Variants in NMBR observed in about 807,000 individuals in gnomAD.
The protein encoded by NMBR is neuromedin B receptor.
In NMBR, 16 loss-of-function variants were observed where a neutral mutation model predicts 20.5. The ratio of observed to expected loss-of-function variants is 0.78; its 90% CI spans 0.53 to 1.19. The LOEUF (loss-of-function observed/expected upper bound fraction) is 1.19, where lower values mean the gene tolerates loss of function less well. Among genes scored for constraint, NMBR ranks in the 50% most tolerant of loss-of-function variants. The pLI, the probability that NMBR is intolerant of heterozygous loss-of-function variation, is 0.00. For synonymous variants in NMBR, 212 were observed against 196.6 expected (o/e 1.08, Z -0.65); for missense variants, 582 against 499.1 (o/e 1.17, Z -1.58).
At chr6:142,145,020 T>TTA (rs71840613) in intron 1 of NMBR, among the ~76,000 whole-genome samples, 2 of 97,642 alleles carry the variant, frequency 2.0e-5, no homozygotes, top group Non-Finnish European at 3.9e-5. Flanking sequence ...AGAACCTGTC[T>TTA]AAAAAAAAAA....
At chr6:142,076,111 C>A in intron 3 of NMBR, 62 bp from the exon 4 acceptor site, 2 of 1,458,398 alleles carry the variant, frequency 1.4e-6, no homozygotes, top group East Asian at 2.3e-5. Context: ...CACATACCAA[C>A]TTTATCAAGT....
chr6:142,088,503 G>A lies in NMBR; in HGVS notation c.156C>T (p.Leu52=), dbSNP rs1444708407. ...IRCVIPSLYL[L]IITVGLLGNI... The stretch of plus-strand genomic sequence containing the variant: ...TGCCCAGCAAGCCCACGGTGATGAT[G>A]AGCAGGTAGAGGGACGGGATCACAC... Residue 52 remains leucine (L), a synonymous_variant, in exon 2 of 4, where the codon CTC becomes CTT. Coordinates refer to ENST00000258042, the MANE Select transcript of NMBR (RefSeq NM_002511.4). 2 of 1,614,062 alleles carry A rather than the reference G, an allele frequency of 1.2e-6. No homozygotes were observed. The highest frequency in any genetic ancestry group is 8.5e-7 in the Non-Finnish European group (1 of 1,180,004).
chr6:142,136,926 G>A (rs1209639374), intron 1 of NMBR, among the ~76,000 whole-genome samples: 4 of 152,158 alleles, frequency 2.6e-5, no homozygotes, highest in Non-Finnish European at 5.9e-5. Context: ...AAGTCAGGTA[G>A]GGTGATGCCT....
At chr6:142,109,391 T>G (rs927519593) in intron 1 of NMBR, among the ~76,000 whole-genome samples, 1 of 151,896 alleles carries the variant, frequency 6.6e-6, no homozygotes, top group Non-Finnish European at 1.5e-5. Context: ...ATCTCCTTCA[T>G]GTACCCCAGG....
chr6:142,134,905 T>A (rs546770529), intron 1 of NMBR: 2 of 569,914 alleles, frequency 3.5e-6, no homozygotes, highest in African/African-American at 3.8e-5. Flanking sequence ...AAGATTATAC[T>A]TTCCATTCAG....
In NMBR at chr6:142,139,557, C is replaced by T. The variant is rs192954899; in HGVS notation, c.-664+7487G>A. ...TAGCATCCATTAAAGCCAACTTCCT[C>T]GGCCTCCCTGAGCTCTTGATCTCTT... On this transcript the variant is annotated intron_variant, in intron 1 of 3. Transcript: ENST00000258042. Among the ~76,000 whole-genome samples, 604 of 152,322 alleles carry T rather than the reference C, an allele frequency of 4.0e-3. 16 individuals carry two copies. The highest frequency in any genetic ancestry group is 0.037 in the Admixed American group (560 of 15,284).
At chr6:142,111,112 C>T (rs1412311987) in intron 1 of NMBR, among the ~76,000 whole-genome samples, 3 of 151,818 alleles carry the variant, frequency 2.0e-5, no homozygotes, top group Admixed American at 6.6e-5. Flanking sequence ...TGGTGGCATG[C>T]GCGTGTATTC....
At chr6:142,093,495 T>C (rs564562061) in intron 1 of NMBR, among the ~76,000 whole-genome samples, 3 of 152,072 alleles carry the variant, frequency 2.0e-5, no homozygotes, top group Admixed American at 2.0e-4. Context: ...TCATTTTTTA[T>C]GGCTGCATAG....
chr6:142,119,961 G>T (rs962423563), intron 1 of NMBR, among the ~76,000 whole-genome samples: 4 of 151,842 alleles, frequency 2.6e-5, no homozygotes, highest in African/African-American at 9.7e-5. Context: ...CATTGTACTT[G>T]TTGGATTTGA....
At chr6:142,117,360 T>C (rs1582854684) in intron 1 of NMBR, among the ~76,000 whole-genome samples, 1 of 152,066 alleles carries the variant, frequency 6.6e-6, no homozygotes, top group South Asian at 2.1e-4. Context: ...TAGATCTATA[T>C]TAATATTTTA....
chr6:142,124,362 A>G (rs1199391104), intron 1 of NMBR, among the ~76,000 whole-genome samples: 3 of 151,886 alleles, frequency 2.0e-5, no homozygotes, highest in African/African-American at 4.8e-5. Context: ...AATAAGAGTG[A>G]AAATATTGTT....
chr6:142,082,300 T>TA (rs1777115733), intron 2 of NMBR, among the ~76,000 whole-genome samples: 1 of 152,196 alleles, frequency 6.6e-6, no homozygotes, highest in Admixed American at 6.5e-5. Context: ...GCCTGGCCAG[T>TA]AGAGTCTATA....
intron 3 of NMBR, among the ~76,000 whole-genome samples, chr6:142,077,383 T>G (rs1776971516): frequency 6.6e-6 from 1 of 152,104 alleles, no homozygotes; most frequent in Non-Finnish European, 1.5e-5. Context: ...AAGCAAATAC[T>G]CAAATACCTA....
chr6:142,113,259 C>T (rs1777803129), intron 1 of NMBR, among the ~76,000 whole-genome samples: 1 of 151,794 alleles, frequency 6.6e-6, no homozygotes, highest in South Asian at 2.1e-4. Context: ...ATTTTATAGC[C>T]TAAAGTCATA....
intron 1 of NMBR, among the ~76,000 whole-genome samples, chr6:142,113,863 C>A (rs1777810970): frequency 6.6e-6 from 1 of 152,026 alleles, no homozygotes; most frequent in South Asian, 2.1e-4. Context: ...GAAATGTTAC[C>A]TTTTCATAGA....
At chr6:142,096,010 A>AT (rs1282713440) in intron 1 of NMBR, among the ~76,000 whole-genome samples, 2 of 151,972 alleles carry the variant, frequency 1.3e-5, no homozygotes, top group Non-Finnish European at 2.9e-5. Context: ...CCCCTTTATC[A>AT]TTTTTTATTG....
intron 2 of NMBR, among the ~76,000 whole-genome samples, chr6:142,085,056 T>C (rs1777173479): frequency 1.3e-5 from 2 of 152,224 alleles, no homozygotes; most frequent in South Asian, 4.1e-4. Context: ...TAAAAAATAA[T>C]AAAAAATTGA....
intron 1 of NMBR, chr6:142,134,040 T>C: frequency 1.5e-6 from 1 of 678,402 alleles, no homozygotes; most frequent in South Asian, 1.6e-5. Flanking sequence ...CAAGTAAGTT[T>C]TTCTGTGTGC....
chr6:142,085,339 C>T (rs996671820), intron 2 of NMBR, among the ~76,000 whole-genome samples: 1 of 152,152 alleles, frequency 6.6e-6, no homozygotes, highest in Non-Finnish European at 1.5e-5. Context: ...GCCTGGCCAA[C>T]ATGGTGAAAC....
Sources: allele counts gnomAD v4.1 joint callset (sites outside exome capture counted in the v4.1 genomes callset), GRCh38; gene constraint gnomAD v4.1.1; transcripts MANE v1.5; gene names NCBI Gene and HGNC (gene_info 2026-07-23, HGNC 2026-07-21).